WLS: variants seen among roughly 807,000 people sequenced by gnomAD.
WLS encodes protein wntless homolog.
WLS carries 23 observed loss-of-function variants against 62.8 expected under a neutral mutation model. The observed-to-expected ratio is 0.37, with a 90% CI of 0.26 to 0.52. WLS has a LOEUF of 0.52. Among genes scored for constraint, WLS ranks in the 20% least tolerant of loss-of-function variants. The pLI is 0.92. For synonymous variants in WLS, 246 were observed against 244.1 expected, an observed-to-expected ratio of 1.01 and a Z score of -0.07; for missense variants, 615 against 697.3, an observed-to-expected ratio of 0.88 and a Z score of 1.33.
At chr1:68,227,245 C>A (rs934403583) in intron 1 of WLS, among the ~76,000 whole-genome samples, 67 of 152,160 alleles carry the variant, frequency 4.4e-4, no homozygotes, top group African/African-American at 1.6e-3. Context: ...TGGTGAAACC[C>A]CGTCTCTACT....
chr1:68,198,834 T>C (rs780904959), intron 1 of WLS, among the ~76,000 whole-genome samples: 3 of 152,224 alleles, frequency 2.0e-5, no homozygotes, highest in Non-Finnish European at 4.4e-5. Context: ...AATCCAGTCA[T>C]CGTTACAACA....
intron 11 of WLS, among the ~76,000 whole-genome samples, chr1:68,114,533 T>TC (rs1390571022): frequency 6.6e-6 from 1 of 152,222 alleles, no homozygotes; most frequent in Non-Finnish European, 1.5e-5. Flanking sequence ...AGTGGTATAA[T>TC]CCTCATTTCT....
At chr1:68,202,571 A>G (rs1380989356) in intron 1 of WLS, 1 of 152,216 alleles carries the variant, frequency 6.6e-6, no homozygotes, top group Non-Finnish European at 1.5e-5. Context: ...AGTGAACACA[A>G]AAGACCTCCA....
intron 11 of WLS, among the ~76,000 whole-genome samples, chr1:68,130,311 C>T (rs937000343): frequency 2.0e-5 from 3 of 152,144 alleles, no homozygotes; most frequent in African/African-American, 7.2e-5. Flanking sequence ...TACGTACTTC[C>T]ATCCTCACCA....
At chr1:68,117,374 G>A (rs1646306049) in intron 11 of WLS, 1 of 152,256 alleles carries the variant, frequency 6.6e-6, no homozygotes, top group Non-Finnish European at 1.5e-5. Context: ...GCAATTAGGG[G>A]TAACGTTAGA....
intron 11 of WLS, among the ~76,000 whole-genome samples, chr1:68,105,661 A>G (rs950262380): frequency 6.6e-6 from 1 of 152,178 alleles, no homozygotes; most frequent in African/African-American, 2.4e-5. Context: ...ACTACCTACC[A>G]CGTATAAATG....
intron 9 of WLS, 138 bp from the exon 10 acceptor site, chr1:68,144,790 A>G (rs1646731856): frequency 1.5e-6 from 1 of 671,004 alleles, no homozygotes; most frequent in South Asian, 2.0e-5. Context: ...AGTTTCCCAT[A>G]GTAATATTTC....
chr1:68,198,633 G>A (rs185237514), intron 1 of WLS, among the ~76,000 whole-genome samples: 16 of 152,186 alleles, frequency 1.1e-4, no homozygotes, highest in Non-Finnish European at 4.4e-5. Context: ...AGACACTGCC[G>A]GTTCTGGAGT....
chr1:68,127,955 CT>C (rs940664675), intron 11 of WLS, among the ~76,000 whole-genome samples: 1 of 152,178 alleles, frequency 6.6e-6, no homozygotes, highest in African/African-American at 2.4e-5. Context: ...AGACCCATTT[CT>C]CTGTGGCTGC....
chr1:68,103,006 T>G (rs1646098497), intron 11 of WLS, among the ~76,000 whole-genome samples: 1 of 152,180 alleles, frequency 6.6e-6, no homozygotes, highest in Non-Finnish European at 1.5e-5. Flanking sequence ...CCGGGGGCAC[T>G]GTCACCAGTG....
intron 11 of WLS, among the ~76,000 whole-genome samples, chr1:68,118,678 A>G (rs1458866981): frequency 6.6e-6 from 1 of 152,004 alleles, no homozygotes; most frequent in African/African-American, 2.4e-5. Flanking sequence ...GTTCGAGACC[A>G]GCCTGGCCAA....
chr1:68,231,837 G>C (rs767261600), intron 1 of WLS: 2 of 430,566 alleles, frequency 4.6e-6, no homozygotes, highest in African/African-American at 2.4e-5. Flanking sequence ...AGAGGAAAAG[G>C]GGGGGAACGC....
chr1:68,175,477 A>T (rs891527), intron 2 of WLS, among the ~76,000 whole-genome samples: 55,673 of 152,156 alleles, frequency 0.37, 10,419 homozygotes, highest in Middle Eastern at 0.48. Flanking sequence ...TATTTAGCCA[A>T]ACAATTTGAG....
At chr1:68,193,469 A>G (rs1398372080) in intron 2 of WLS, among the ~76,000 whole-genome samples, 2 of 135,550 alleles carry the variant, frequency 1.5e-5, no homozygotes, top group African/African-American at 5.5e-5. Context: ...TTTGGTGGGG[A>G]AATGGGTGCT....
chr1:68,157,947 G>A (rs1159509509), intron 3 of WLS, among the ~76,000 whole-genome samples: 1 of 152,202 alleles, frequency 6.6e-6, no homozygotes, highest in Non-Finnish European at 1.5e-5. Flanking sequence ...GAGATAGCTA[G>A]AAAGGTTTTT....
rs1404014432 is a variant in WLS at position 68,144,668 on chromosome 1, G to A, written c.1279-16C>T. The A allele has an allele frequency of 6.2e-7, 1 of 1,606,258 alleles. No individual in the cohort carries two copies. The highest frequency in any genetic ancestry group is 1.1e-5 in the South Asian group (1 of 90,794). ...AAATTAGCCCCTATTAGAAAAGAAAGAGTAGTTTAATACTCCATCAGCTAC... is the reference window on the plus strand; with the variant it reads ...AAATTAGCCCCTATTAGAAAAGAAAAAGTAGTTTAATACTCCATCAGCTAC... On this transcript the variant is annotated splice_polypyrimidine_tract_variant and intron_variant, in intron 9 of 11. Transcript: ENST00000262348.
At chr1:68,106,588 T>C (rs2100307682) in intron 11 of WLS, among the ~76,000 whole-genome samples, 1 of 152,358 alleles carries the variant, frequency 6.6e-6, no homozygotes, top group Non-Finnish European at 1.5e-5. Context: ...CCTAGGTACC[T>C]GCTGCTCACT....
chr1:68,108,752 A>C (rs979442559), intron 11 of WLS, among the ~76,000 whole-genome samples: 1 of 152,202 alleles, frequency 6.6e-6, no homozygotes, highest in African/African-American at 2.4e-5. Flanking sequence ...CAAGGCTATA[A>C]GTTTATTATC....
chr1:68,177,635 A>G (rs765727496), intron 2 of WLS, among the ~76,000 whole-genome samples: 3 of 152,166 alleles, frequency 2.0e-5, no homozygotes, highest in Non-Finnish European at 4.4e-5. Context: ...CTGGGACTAC[A>G]GGGGCACACC....
Sources: allele counts gnomAD v4.1 joint callset (sites outside exome capture counted in the v4.1 genomes callset), GRCh38; gene constraint gnomAD v4.1.1; transcripts MANE v1.5; gene names NCBI Gene and HGNC (gene_info 2026-07-23, HGNC 2026-07-21).